The following PPP1R42 variants were observed in gnomAD, a reference collection of about 807,000 sequenced individuals.
PPP1R42 encodes protein phosphatase 1 regulatory subunit 42.
PPP1R42 carries 34 observed loss-of-function variants against 31.0 expected under a neutral mutation model. The observed-to-expected ratio is 1.10, with a 90% CI of 0.83 to 1.46. The LOEUF (loss-of-function observed/expected upper bound fraction) is 1.46, where lower values mean the gene tolerates loss of function less well. PPP1R42 is among the 40% of genes most tolerant of loss of function. The pLI, the probability that PPP1R42 is intolerant of heterozygous loss-of-function variation, is 0.00. For missense variants in PPP1R42, 268 were observed against 303.0 expected (o/e 0.88, Z 0.86); for synonymous variants, 103 against 109.8 (o/e 0.94, Z 0.39).
intron 6 of PPP1R42, chr8:66,985,697 G>C: frequency 7.6e-7 from 1 of 1,315,522 alleles, no homozygotes; most frequent in East Asian, 2.3e-5. Context: ...AGTTGCTCTG[G>C]TTGGGAGGAA....
rs761738425 is a variant in PPP1R42, at chr8:67,010,797, T to G, written c.470A>C (p.Asn157Thr). 1.2e-6 allele frequency: 2 copies of G among 1,602,630 alleles called. No homozygotes were observed. The highest frequency in any genetic ancestry group is 1.7e-6 in the Non-Finnish European group (2 of 1,175,076). ...TTCTAAGTCTGTAATGTCATCAATA[T>G]TATTATTGCTGATATTCAATATACA... is the stretch of plus-strand genomic sequence containing the variant. Reference protein sequence around the residue: ...SLCILNISNNNIDDITDLELL... With the variant: ...SLCILNISNNTIDDITDLELL... The change falls in exon 5 of 8, where the codon AAT becomes ACT. Residue 157 changes from asparagine to threonine, a missense_variant. Physicochemically the swap from Asn to Thr is moderately conservative, Grantham distance 65 (BLOSUM62 0). Transcript: ENST00000685739.
intron 5 of PPP1R42, among the ~76,000 whole-genome samples, chr8:66,992,893 A>G (rs1001672973): frequency 1.3e-5 from 2 of 152,216 alleles, no homozygotes; most frequent in African/African-American, 4.8e-5. Flanking sequence ...GACTATAGGC[A>G]ATCTTGTCGA....
At chr8:66,991,294 G>A (rs542374141) in intron 5 of PPP1R42, among the ~76,000 whole-genome samples, 3 of 152,238 alleles carry the variant, frequency 2.0e-5, no homozygotes, top group African/African-American at 7.2e-5. Context: ...GCTCAACTTA[G>A]CCTCATCAGG....
intron 2 of PPP1R42, among the ~76,000 whole-genome samples, 193 bp from the exon 3 acceptor site, chr8:67,014,785 C>CT (rs1275044112): frequency 6.6e-6 from 1 of 151,918 alleles, no homozygotes; most frequent in African/African-American, 2.4e-5. Flanking sequence ...ATATATTTTT[C>CT]TTTTTTTAGA....
chr8:66,991,098 A>G (rs1815176688), intron 5 of PPP1R42, among the ~76,000 whole-genome samples: 1 of 152,230 alleles, frequency 6.6e-6, no homozygotes, highest in South Asian at 2.1e-4. Flanking sequence ...TCACTAATAT[A>G]TCTGATTTTG....
At chr8:67,000,528 G>A (rs186164955) in intron 5 of PPP1R42, among the ~76,000 whole-genome samples, 1 of 151,596 alleles carries the variant, frequency 6.6e-6, no homozygotes, top group Admixed American at 6.6e-5. Context: ...GTGTGATCTC[G>A]GTCACTGCAG....
intron 5 of PPP1R42, among the ~76,000 whole-genome samples, chr8:66,993,949 A>G (rs936241468): frequency 2.0e-5 from 3 of 152,190 alleles, no homozygotes; most frequent in Admixed American, 6.5e-5. Context: ...AGAAGTTGCT[A>G]ATTAGAGGTG....
chr8:67,014,972 A>G (rs1290339015), intron 2 of PPP1R42, among the ~76,000 whole-genome samples: 1 of 152,140 alleles, frequency 6.6e-6, no homozygotes, highest in Non-Finnish European at 1.5e-5. Flanking sequence ...TGTGGTTTAT[A>G]ATACTGAAAA....
intron 1 of PPP1R42, among the ~76,000 whole-genome samples, chr8:67,027,708 A>G (rs149684588): frequency 9.5e-4 from 144 of 152,346 alleles, no homozygotes; most frequent in Admixed American, 1.6e-3. Flanking sequence ...ATTTTAGAAC[A>G]TTATAATAAA....
chr8:67,000,271 C>T (rs1052416991), intron 5 of PPP1R42, among the ~76,000 whole-genome samples: 4 of 151,720 alleles, frequency 2.6e-5, no homozygotes, highest in Admixed American at 6.6e-5. Flanking sequence ...TTCCCTCATT[C>T]TTGTTGTCAT....
intron 1 of PPP1R42, chr8:67,026,830 T>A (rs1271786637): frequency 6.6e-6 from 1 of 150,692 alleles, no homozygotes; most frequent in Non-Finnish European, 1.5e-5. Flanking sequence ...TGAACCTGTC[T>A]CAAAACAAAA....
In PPP1R42 at chr8:66,993,585, C is replaced by G. The variant is rs114645621; in HGVS notation, c.553-5068G>C. On this transcript the variant is annotated intron_variant, in intron 5 of 7. Transcript: ENST00000685739. Reference sequence around the variant, plus strand: ...CTCAGCTATCCCTTTCTTAGAGAAGCCTTTAGTGACCTCTCTAACTAGGAC... The same window carrying G: ...CTCAGCTATCCCTTTCTTAGAGAAGGCTTTAGTGACCTCTCTAACTAGGAC... 3.5e-3 allele frequency among the ~76,000 whole-genome samples: 534 copies of G among 152,238 alleles called. 2 individuals are homozygous for G. Among genetic ancestry groups the G allele is most frequent in the African/African-American group, 0.011 (452 of 41,532 alleles).
intron 5 of PPP1R42, among the ~76,000 whole-genome samples, chr8:66,998,531 T>C (rs1035077662): frequency 6.6e-6 from 1 of 152,236 alleles, no homozygotes; most frequent in East Asian, 1.9e-4. Flanking sequence ...TTTCAAGCAA[T>C]GTCATTTGTT....
At chr8:67,028,408 A>C in intron 1 of PPP1R42, 83 bp downstream of exon 1, 1 of 749,360 alleles carries the variant, frequency 1.3e-6, no homozygotes, top group Non-Finnish European at 1.6e-6. Context: ...AATGTCCCGG[A>C]AAGTCTTACT....
At chr8:66,977,865 T>C (rs1477480242) in intron 7 of PPP1R42, among the ~76,000 whole-genome samples, 1 of 152,148 alleles carries the variant, frequency 6.6e-6, no homozygotes, top group Non-Finnish European at 1.5e-5. Flanking sequence ...CCCAGGCTGG[T>C]CTTGATCTCT....
chr8:67,019,237 CTTTT>C (rs1186280936), intron 1 of PPP1R42, among the ~76,000 whole-genome samples: 5 of 91,678 alleles, frequency 5.5e-5, no homozygotes, highest in African/African-American at 5.0e-5. Flanking sequence ...TTATGAGCAT[CTTTT>C]TTTTTTTTTT....
chr8:66,985,272 G>A (rs532351120), intron 6 of PPP1R42: 12 of 957,554 alleles, frequency 1.3e-5, no homozygotes, highest in African/African-American at 9.7e-5. Context: ...GCTGGGAAGC[G>A]ACAGTGGAGA....
intron 5 of PPP1R42, among the ~76,000 whole-genome samples, chr8:66,993,026 C>T (rs187124717): frequency 6.6e-6 from 1 of 152,316 alleles, no homozygotes; most frequent in African/African-American, 2.4e-5. Context: ...AAAGGCGCTT[C>T]AAACCCTACA....
chr8:66,986,026 TCA>T (rs748962269), intron 6 of PPP1R42: 26 of 749,424 alleles, frequency 3.5e-5, no homozygotes, highest in Non-Finnish European at 5.8e-5. Context: ...TCCTACAGCC[TCA>T]GTTTGTCCAC....
Sources: allele counts gnomAD v4.1 joint callset (sites outside exome capture counted in the v4.1 genomes callset), GRCh38; gene constraint gnomAD v4.1.1; transcripts MANE v1.5; gene names NCBI Gene and HGNC (gene_info 2026-07-23, HGNC 2026-07-21).